The following LYPLAL1 variants were observed in gnomAD, a reference collection of about 807,000 sequenced individuals.
LYPLAL1 encodes the protein lysophospholipase-like protein 1.
LYPLAL1 carries 23 observed loss-of-function variants against 19.7 expected under a neutral mutation model. That is an observed-to-expected ratio of 1.17 (90% CI 0.84 to 1.65). The LOEUF (loss-of-function observed/expected upper bound fraction) is 1.65, where lower values mean the gene tolerates loss of function less well. Among genes scored for constraint, LYPLAL1 ranks in the 40% most tolerant of loss-of-function variants. The probability of loss-of-function intolerance (pLI) is 0.00; values close to 1 mark genes in which losing one functional copy is unlikely to be tolerated. For synonymous variants in LYPLAL1, 119 were observed against 96.3 expected (o/e 1.24, Z -1.38); for missense variants, 355 against 279.4 (o/e 1.27, Z -1.93).
rs577559002 is a variant in LYPLAL1, at chr1:219,212,444, C to T, written c.*716C>T. On this transcript the variant is annotated 3_prime_UTR_variant, in exon 5 of 5. Transcript: ENST00000366928. The stretch of plus-strand genomic sequence containing the variant: ...GCCAAAAGCCAATACATAATAAACA[C>T]TCAATAAAGATTAACCATAAGGAGA... The T allele has an allele frequency of 5.1e-4, 77 of 152,052 alleles. No individual in the cohort carries two copies. The highest frequency in any genetic ancestry group is 1.8e-3 in the African/African-American group (74 of 41,518). 9.4% of individuals were successfully genotyped at this position (152,052 alleles called of 1,614,324 possible).
downstream of LYPLAL1, among the ~76,000 whole-genome samples, chr1:219,216,159 A>C (rs1000835500): frequency 3.9e-5 from 6 of 152,008 alleles, no homozygotes; most frequent in African/African-American, 1.4e-4. Flanking sequence ...TAATAGGCTT[A>C]ATCTCTGCCT....
At chr1:219,247,613 G>A in the LYPLAL1 span, among the ~76,000 whole-genome samples, 1 of 152,184 alleles carries the variant, frequency 6.6e-6, no homozygotes, top group Non-Finnish European at 1.5e-5. Context: ...AGCTTTGCAT[G>A]CTTTCTGTGG....
chr1:219,419,714 C>A, the LYPLAL1 span, among the ~76,000 whole-genome samples: 1 of 152,110 alleles, frequency 6.6e-6, no homozygotes, highest in Non-Finnish European at 1.5e-5. Flanking sequence ...GGTGTTCTCT[C>A]CTGTTATGTC....
the LYPLAL1 span, among the ~76,000 whole-genome samples, chr1:219,228,962 A>C: frequency 6.6e-6 from 1 of 152,052 alleles, no homozygotes; most frequent in South Asian, 2.1e-4. Context: ...TACAGACGTG[A>C]ACCACTGCGT....
chr1:219,244,243 A>G, the LYPLAL1 span, among the ~76,000 whole-genome samples: 291 of 152,348 alleles, frequency 1.9e-3, 2 homozygotes, highest in African/African-American at 6.4e-3. Context: ...TTGAAAAAAC[A>G]TGCCCAATAA....
chr1:219,274,713 A>G, the LYPLAL1 span, among the ~76,000 whole-genome samples: 1 of 152,144 alleles, frequency 6.6e-6, no homozygotes, highest in Admixed American at 6.5e-5. Flanking sequence ...TTGAAGTGGT[A>G]TTGATCAGCA....
At chr1:219,214,059 CCT>C (rs1290363311), downstream of LYPLAL1, among the ~76,000 whole-genome samples, 1 of 152,016 alleles carries the variant, frequency 6.6e-6, no homozygotes, top group Non-Finnish European at 1.5e-5. Context: ...TGATGATATT[CCT>C]CTCTGTTCCT....
the LYPLAL1 span, among the ~76,000 whole-genome samples, chr1:219,221,431 T>C: frequency 6.6e-6 from 1 of 152,194 alleles, no homozygotes; most frequent in Admixed American, 6.5e-5. Flanking sequence ...ACCATTTCTA[T>C]TTGACAAGTG....
the LYPLAL1 span, among the ~76,000 whole-genome samples, chr1:219,400,247 G>T: frequency 6.6e-6 from 1 of 151,810 alleles, no homozygotes; most frequent in Admixed American, 6.6e-5. Flanking sequence ...CAGCCCTTTG[G>T]TGGCAGCTGT....
the LYPLAL1 span, among the ~76,000 whole-genome samples, chr1:219,398,073 T>A: frequency 6.6e-6 from 1 of 152,200 alleles, no homozygotes; most frequent in African/African-American, 2.4e-5. Flanking sequence ...TTCACTGCAT[T>A]TCCTGAATTT....
chr1:219,225,907 C>T, the LYPLAL1 span, among the ~76,000 whole-genome samples: 10 of 152,230 alleles, frequency 6.6e-5, no homozygotes, highest in East Asian at 1.9e-4. Flanking sequence ...ATTTCCTGGA[C>T]GTGCCAAACC....
At chr1:219,408,222 G>T in the LYPLAL1 span, among the ~76,000 whole-genome samples, 175 of 152,322 alleles carry the variant, frequency 1.1e-3, no homozygotes, top group African/African-American at 4.1e-3. Flanking sequence ...AATGAGATCT[G>T]CAGTAAGGCT....
At chr1:219,262,540 T>C in the LYPLAL1 span, among the ~76,000 whole-genome samples, 1 of 152,192 alleles carries the variant, frequency 6.6e-6, no homozygotes, top group Non-Finnish European at 1.5e-5. Flanking sequence ...CTTGATGTAG[T>C]GCTCTCCCAC....
At position 219,211,498 on chromosome 1, in the gene LYPLAL1, C is replaced by G; in HGVS notation, c.484C>G (p.Gln162Glu). ...NKASAVYQALQKSNGVLPELF... is the reference protein window; with the variant it reads ...NKASAVYQALEKSNGVLPELF... ...TTTGTATCTTCTTCTCTAGGCTCTT[C>G]AGAAGAGTAATGGTGTACTTCCTGA... Residue 162 changes from glutamine (Q) to glutamate (E), a missense_variant, in exon 5 of 5, where the codon CAG becomes GAG. Transcript: ENST00000366928. 6.3e-7 allele frequency: 1 copy of G among 1,587,200 alleles called. No individual in the cohort carries two copies. Among genetic ancestry groups the G allele is most frequent in the Non-Finnish European group, 8.6e-7 (1 of 1,160,462 alleles).
the LYPLAL1 span, among the ~76,000 whole-genome samples, chr1:219,305,793 A>G: frequency 6.6e-6 from 1 of 152,178 alleles, no homozygotes; most frequent in Non-Finnish European, 1.5e-5. Context: ...CTAAAATTGG[A>G]GGGGAAATGA....
chr1:219,310,031 G>A, the LYPLAL1 span, among the ~76,000 whole-genome samples: 2 of 152,178 alleles, frequency 1.3e-5, no homozygotes, highest in East Asian at 1.9e-4. Flanking sequence ...TTAAAAGGTA[G>A]TGATAGTGTG....
At chr1:219,227,885 C>G in the LYPLAL1 span, among the ~76,000 whole-genome samples, 4 of 152,158 alleles carry the variant, frequency 2.6e-5, no homozygotes, top group African/African-American at 9.7e-5. Flanking sequence ...CTCAAACTGA[C>G]TTAAGCAATA....
the LYPLAL1 span, among the ~76,000 whole-genome samples, chr1:219,348,683 G>C: frequency 2.0e-5 from 3 of 152,172 alleles, no homozygotes; most frequent in Admixed American, 6.5e-5. Context: ...CAGCTGTCTA[G>C]CAAATGTTCA....
chr1:219,307,841 G>A, the LYPLAL1 span, among the ~76,000 whole-genome samples: 5,767 of 152,114 alleles, frequency 0.038, 254 homozygotes, highest in East Asian at 0.22. Context: ...TCTTGCCGCC[G>A]CCATGTAAGA....
Sources: gnomAD v4.1 joint callset for allele counts (sites outside exome capture counted in the v4.1 genomes callset) on GRCh38, gnomAD v4.1.1 for gene constraint, MANE v1.5 for transcripts, NCBI Gene and HGNC (gene_info 2026-07-23, HGNC 2026-07-21) for gene names.